The following VPS13B variants were observed in gnomAD, a reference collection of about 807,000 sequenced individuals.
The protein encoded by VPS13B is vacuolar protein sorting 13 homolog B, also known as intermembrane lipid transfer protein VPS13B.
Under a neutral mutation model 426.4 loss-of-function variants are expected in VPS13B, and 285 were observed. The ratio of observed to expected loss-of-function variants is 0.67; its 90% CI spans 0.61 to 0.74. The LOEUF is 0.74. Ranked by LOEUF, VPS13B falls within the 30% of genes least tolerant of loss-of-function variation. The pLI, the probability that VPS13B is intolerant of heterozygous loss-of-function variation, is 0.00. For missense variants in VPS13B, 4,537 were observed against 4,782.6 expected, an observed-to-expected ratio of 0.95 and a Z score of 1.51; for synonymous variants, 1,676 against 1,676.4, an observed-to-expected ratio of 1.00 and a Z score of 0.01.
At chr8:99,477,345 TTTG>T (rs1176959766) in intron 24 of VPS13B, among the ~76,000 whole-genome samples, 2 of 152,168 alleles carry the variant, frequency 1.3e-5, no homozygotes, top group African/African-American at 4.8e-5. Flanking sequence ...TCCATCTGTT[TTTG>T]TTGTTTGCTT....
chr8:99,177,205 A>G (rs1812680658), intron 16 of VPS13B, among the ~76,000 whole-genome samples: 1 of 152,214 alleles, frequency 6.6e-6, no homozygotes, highest in African/African-American at 2.4e-5. Context: ...GGTTCCAGTT[A>G]TTCAAGATTG....
intron 33 of VPS13B, among the ~76,000 whole-genome samples, chr8:99,578,448 T>A (rs1258100324): frequency 6.6e-6 from 1 of 152,164 alleles, no homozygotes; most frequent in Non-Finnish European, 1.5e-5. Context: ...AACTGTGACA[T>A]TATTCTTTCA....
intron 39 of VPS13B, among the ~76,000 whole-genome samples, chr8:99,738,092 G>A (rs538564205): frequency 7.9e-5 from 12 of 152,272 alleles, no homozygotes; most frequent in East Asian, 3.9e-4. Context: ...TCTTAAGACC[G>A]CTCTCAGACT....
chr8:99,818,708 T>C lies in VPS13B; in HGVS notation c.8446-5T>C. 4 of 1,613,742 alleles carry C rather than the reference T, an allele frequency of 2.5e-6. No homozygotes were observed. The highest frequency in any genetic ancestry group is 3.4e-6 in the Non-Finnish European group (4 of 1,179,936). On this transcript the variant is annotated splice_region_variant and splice_polypyrimidine_tract_variant and intron_variant, in intron 46 of 61. Transcript: ENST00000357162. ...GAAAGTTGTTCTATCCTTTTATTTT[T>C]ATAGATTGTGTTCAGCCCTCTTTTT...
rs143115716 is a variant in VPS13B at position 99,642,092 on chromosome 8, G to A, written c.5502G>A (p.Ser1834=). The stretch of plus-strand genomic sequence containing the variant: ...ATTCCTGTATGGCCTTATCCAAATC[G>A]AAATCACAAGAACAGAAGAATAATG... ...MTYSCMALSK[S]KSQEQKNNEK... Residue 1834 remains serine, a synonymous_variant, in exon 34 of 62, where the codon TCG becomes TCA. Coordinates refer to ENST00000357162, the MANE Select transcript of VPS13B (RefSeq NM_152564.5). The A allele has an allele frequency of 1.0e-4, 161 of 1,613,952 alleles. No homozygotes were observed. In the African/African-American group the frequency reaches 1.0e-3, roughly 10 times the overall value.
intron 19 of VPS13B, among the ~76,000 whole-genome samples, chr8:99,322,332 C>T (rs190011908): frequency 9.9e-4 from 151 of 152,198 alleles, no homozygotes; most frequent in Non-Finnish European, 2.5e-4. Flanking sequence ...TTAGGCTTTA[C>T]TAGATCACTA....
intron 39 of VPS13B, among the ~76,000 whole-genome samples, chr8:99,746,383 T>C (rs932266340): frequency 2.0e-5 from 3 of 152,140 alleles, no homozygotes; most frequent in Non-Finnish European, 4.4e-5. Context: ...ATATTTTACA[T>C]GTGGTTTTAG....
At chr8:99,808,483 T>G (rs967109157) in intron 43 of VPS13B, among the ~76,000 whole-genome samples, 1 of 133,948 alleles carries the variant, frequency 7.5e-6, no homozygotes, top group Admixed American at 8.4e-5. Flanking sequence ...GTCACTGCAC[T>G]CCAGCCTGGC....
intron 31 of VPS13B, among the ~76,000 whole-genome samples, chr8:99,560,671 C>A (rs527667300): frequency 1.3e-5 from 2 of 152,174 alleles, no homozygotes; most frequent in South Asian, 2.1e-4. Context: ...GAGTCATCAG[C>A]ATGCAACTTG....
intron 43 of VPS13B, among the ~76,000 whole-genome samples, chr8:99,802,756 G>A (rs1813190910): frequency 6.6e-6 from 1 of 152,148 alleles, no homozygotes; most frequent in Admixed American, 6.5e-5. Flanking sequence ...GCATTAACAT[G>A]TTTTCCTGCT....
intron 2 of VPS13B, among the ~76,000 whole-genome samples, chr8:99,020,705 T>G (rs1017022854): frequency 2.6e-5 from 4 of 152,226 alleles, no homozygotes; most frequent in African/African-American, 9.7e-5. Context: ...ATCTGTACTT[T>G]CACATTGAAT....
intron 51 of VPS13B, among the ~76,000 whole-genome samples, chr8:99,828,407 T>TTTTTTTTTTTTTTGC (rs1814843373): frequency 1.9e-5 from 1 of 52,212 alleles, no homozygotes; most frequent in African/African-American, 7.6e-5. Flanking sequence ...TTTTTTTTTT[T>TTTTTTTTTTTTTTGC]TTTTTTTTTT....
In VPS13B at chr8:99,815,443, T is replaced by C. The variant is rs534979531; in HGVS notation, c.8098-2097T>C. ...CCTCTTACTTAGCCTTTTCCTTCGATTGGGTCTTCATTTGGTTAGATGAAG... is the reference window on the plus strand; with the variant it reads ...CCTCTTACTTAGCCTTTTCCTTCGACTGGGTCTTCATTTGGTTAGATGAAG... On this transcript the variant is annotated intron_variant, in intron 44 of 61. Coordinates refer to ENST00000357162, the MANE Select transcript of VPS13B (RefSeq NM_152564.5). Among the ~76,000 whole-genome samples the C allele has an allele frequency of 2.3e-4, 35 of 152,208 alleles. 1 individual carries two copies. Among genetic ancestry groups the C allele is most frequent in the African/African-American group, 8.4e-4 (35 of 41,552 alleles).
At chr8:99,418,308 A>G (rs1348205022) in intron 21 of VPS13B, among the ~76,000 whole-genome samples, 1 of 151,920 alleles carries the variant, frequency 6.6e-6, no homozygotes, top group Non-Finnish European at 1.5e-5. Context: ...TTGGTGAGCT[A>G]CATTTTCTGA....
intron 50 of VPS13B, 99 bp downstream of exon 50, chr8:99,821,581 T>G (rs1044041387): frequency 1.5e-6 from 2 of 1,359,436 alleles, no homozygotes; most frequent in African/African-American, 2.9e-5. Context: ...CTTTTTCATA[T>G]TACTTCTTCT....
At chr8:99,544,073 A>T (rs1228757587) in intron 30 of VPS13B, among the ~76,000 whole-genome samples, 6 of 147,720 alleles carry the variant, frequency 4.1e-5, no homozygotes, top group Admixed American at 2.0e-4. Flanking sequence ...CAAATGTCCA[A>T]CAATGCTAGA....
intron 20 of VPS13B, among the ~76,000 whole-genome samples, chr8:99,389,078 G>A (rs766551317): frequency 8.3e-4 from 126 of 152,014 alleles, no homozygotes; most frequent in Non-Finnish European, 1.2e-3. Flanking sequence ...GAACCCGGAG[G>A]GCAGATGTTG....
At chr8:99,612,029 G>A (rs1224690752) in intron 33 of VPS13B, among the ~76,000 whole-genome samples, 1 of 152,068 alleles carries the variant, frequency 6.6e-6, no homozygotes, top group Non-Finnish European at 1.5e-5. Context: ...CTTTTCAAAA[G>A]GGGGAACTGA....
chr8:99,367,664 G>A (rs1030581718), intron 19 of VPS13B, among the ~76,000 whole-genome samples: 1 of 152,122 alleles, frequency 6.6e-6, no homozygotes, highest in African/African-American at 2.4e-5. Flanking sequence ...TCTAGATCTT[G>A]TAGATAGATG....
Sources: allele counts gnomAD v4.1 joint callset (sites outside exome capture counted in the v4.1 genomes callset), GRCh38; gene constraint gnomAD v4.1.1; transcripts MANE v1.5; gene names NCBI Gene and HGNC (gene_info 2026-07-23, HGNC 2026-07-21).